The following CLTC variants were observed in gnomAD, a reference collection of about 807,000 sequenced individuals.
CLTC encodes the protein clathrin heavy chain 1.
CLTC carries 16 observed loss-of-function variants against 195.8 expected under a neutral mutation model. The observed-to-expected ratio is 0.08, with a 90% CI of 0.06 to 0.12. The LOEUF is 0.12. CLTC is among the 10% of genes least tolerant of loss of function. CLTC has a pLI of 1.00. For synonymous variants in CLTC, 667 were observed against 689.4 expected, an observed-to-expected ratio of 0.97 and a Z score of 0.51; for missense variants, 796 against 2,027.0, an observed-to-expected ratio of 0.39 and a Z score of 11.66.
chr17:59,691,837 A>G (rs7212825), intron 31 of CLTC, among the ~76,000 whole-genome samples: 27,954 of 151,540 alleles, frequency 0.18, 3,481 homozygotes, highest in East Asian at 0.46. Flanking sequence ...GAGATAGGAA[A>G]CACATCAAGT....
At chr17:59,623,080 A>C (rs1189519620) in intron 1 of CLTC, among the ~76,000 whole-genome samples, 1 of 152,152 alleles carries the variant, frequency 6.6e-6, no homozygotes, top group African/African-American at 2.4e-5. Flanking sequence ...GGTGATTTTC[A>C]ATTTTCTGGC....
Position 59,661,213 on chromosome 17 carries a change from T to C in CLTC, c.1168-230T>C, listed in dbSNP as rs190545749. Among the ~76,000 whole-genome samples, 14 of 152,202 alleles carry C rather than the reference T, an allele frequency of 9.2e-5. No individual in the cohort carries two copies. In the East Asian group the frequency reaches 2.5e-3, roughly 27 times the overall value. On this transcript the variant is annotated intron_variant, in intron 7 of 31. Coordinates refer to ENST00000269122, the MANE Select transcript of CLTC (RefSeq NM_004859.4). Reference sequence around the variant, plus strand: ...TTTTTCCAAATTCTGGATAATCTTATAACATTGAACCAGGGGTATGAAAGA... The same window carrying C: ...TTTTTCCAAATTCTGGATAATCTTACAACATTGAACCAGGGGTATGAAAGA...
intron 1 of CLTC, among the ~76,000 whole-genome samples, chr17:59,621,766 G>T (rs941680479): frequency 1.2e-4 from 18 of 151,582 alleles, no homozygotes; most frequent in Admixed American, 3.3e-4. Flanking sequence ...ATTTTTTTTT[G>T]ATCAATCCAA....
In CLTC at chr17:59,683,071, T is replaced by TA. The variant is rs555162850; in HGVS notation, c.3874-22dup. On this transcript the variant is annotated intron_variant, in intron 24 of 31. Coordinates refer to ENST00000269122, the MANE Select transcript of CLTC (RefSeq NM_004859.4). This position sits in a 1 kb window ranked among gnomAD's most constrained non-coding sequence, Gnocchi z 6.1. ...CTTTTACCATAGATATTCTTATCTTTAACTGCACATTTCTCTTGTTCAGGA... is the reference window on the plus strand; with the variant it reads ...CTTTTACCATAGATATTCTTATCTTTAAACTGCACATTTCTCTTGTTCAGGA... 7.1e-5 allele frequency: 114 copies of TA among 1,614,020 alleles called. 1 individual carries two copies. In the African/African-American group the frequency reaches 1.4e-3, roughly 20 times the overall value.
rs71370111 is a variant in CLTC at position 59,696,525 on chromosome 17, T to TATTAAAGAA, written c.*2674_*2675insTTAAAGAAA. 1.4e-5 allele frequency: 3 copies of TATTAAAGAA among 211,948 alleles called. No individual in the cohort carries two copies. Among genetic ancestry groups the TATTAAAGAA allele is most frequent in the African/African-American group, 4.5e-5 (2 of 43,966 alleles). The allele number at this position is 211,948 out of a possible 1,614,324, so 13.1% of individuals were successfully genotyped here. ...GTCAGTATCCTCCTAAAAGAAGGCT[T>TATTAAAGAA]AAATAGTTTCTAACAAGATGACTAT... On this transcript the variant is annotated 3_prime_UTR_variant, in exon 32 of 32. Transcript: ENST00000269122.
Position 59,681,232 on chromosome 17 carries a change from G to C in CLTC, c.3066-63G>C, listed in dbSNP as rs79030105. On this transcript the variant is annotated intron_variant, in intron 19 of 31. Coordinates refer to ENST00000269122, the MANE Select transcript of CLTC (RefSeq NM_004859.4). This position sits in a 1 kb window ranked among gnomAD's most constrained non-coding sequence, Gnocchi z 5.0. ...AAAAACCTCTCCGTTAGTCACAGTG[G>C]TTATTTTTTATGTCGGATAAACTTA... 1 of 1,531,066 alleles carries C rather than the reference G, an allele frequency of 6.5e-7. No homozygotes were observed. The highest frequency in any genetic ancestry group is 1.4e-5 in the African/African-American group (1 of 72,146). 94.8% of individuals were successfully genotyped at this position (1,531,066 alleles called of 1,614,324 possible). A position where few individuals can be genotyped will look rare whatever the true frequency, so the allele number is the denominator to read the frequency against.
At chr17:59,691,456 C>G (rs191029854) in intron 31 of CLTC, among the ~76,000 whole-genome samples, 1 of 151,742 alleles carries the variant, frequency 6.6e-6, no homozygotes, top group African/African-American at 2.4e-5. Flanking sequence ...ATCGCCGTGT[C>G]TACTAAAAAT....
rs529899818 is a variant in CLTC, at chr17:59,638,442, A to G, written c.43-5834A>G. ...CTCTGAGATAGATACTGTCATCTCAAATGTTTCATATGAGAAAACATAAAC... is the reference window on the plus strand; with the variant it reads ...CTCTGAGATAGATACTGTCATCTCAGATGTTTCATATGAGAAAACATAAAC... On this transcript the variant is annotated intron_variant, in intron 1 of 31. Coordinates refer to ENST00000269122, the MANE Select transcript of CLTC (RefSeq NM_004859.4). 3.3e-5 allele frequency among the ~76,000 whole-genome samples: 5 copies of G among 152,196 alleles called. No homozygotes were observed. In the South Asian group the frequency reaches 6.2e-4, roughly 19 times the overall value.
In CLTC at chr17:59,696,014, A is replaced by C. The variant is rs1232850734; in HGVS notation, c.*2162A>C. The C allele has an allele frequency of 1.4e-5, 3 of 206,936 alleles. No individual in the cohort carries two copies. Among genetic ancestry groups the C allele is most frequent in the African/African-American group, 2.3e-5 (1 of 43,860 alleles). 12.8% of individuals were successfully genotyped at this position (206,936 alleles called of 1,614,324 possible). A position where few individuals can be genotyped will look rare whatever the true frequency, so the allele number is the denominator to read the frequency against. ...ATTTTCATAGTATTCCTTTTAGTAGATATGCCATGACAGTTACTTAGCCAC... is the reference window on the plus strand; with the variant it reads ...ATTTTCATAGTATTCCTTTTAGTAGCTATGCCATGACAGTTACTTAGCCAC... On this transcript the variant is annotated 3_prime_UTR_variant, in exon 32 of 32. Coordinates refer to ENST00000269122, the MANE Select transcript of CLTC (RefSeq NM_004859.4).
In CLTC at chr17:59,660,394, C is replaced by A; in HGVS notation, c.973C>A (p.Leu325Met). The A allele has an allele frequency of 1.2e-6, 2 of 1,613,108 alleles. No homozygotes were observed. Among genetic ancestry groups the A allele is most frequent in the South Asian group, 2.2e-5 (2 of 91,030 alleles). Residue 325 changes from leucine to methionine, a missense_variant, in exon 7 of 32, where the codon CTG (leucine) becomes ATG (methionine). Physicochemically the swap from Leu to Met is conservative, Grantham distance 15. This residue lies in a region of CLTC where 293 missense variants were observed against 795.6 expected (regional missense o/e 0.37). Transcript: ENST00000269122. The part of the protein sequence containing the change: ...IIGVNRKGQV[L>M]SVCVEEENII... Reference sequence around the variant, plus strand: ...CATTTTATTCTTTAAATTGCAGGTTCTGTCAGTGTGTGTGGAAGAAGAAAA... The same window carrying A: ...CATTTTATTCTTTAAATTGCAGGTTATGTCAGTGTGTGTGGAAGAAGAAAA...
intron 6 of CLTC, 87 bp from the exon 7 acceptor site, chr17:59,660,304 C>G: frequency 1.8e-6 from 2 of 1,107,870 alleles, no homozygotes; most frequent in Non-Finnish European, 2.7e-6. Context: ...ACCTTTGTGA[C>G]TCAGTATTAA....
intron 31 of CLTC, 25 bp from the exon 32 acceptor site, chr17:59,693,696 CCCCTGCT>C: frequency 6.3e-7 from 1 of 1,599,226 alleles, no homozygotes; most frequent in East Asian, 2.3e-5. Flanking sequence ...TTGCCCCTGC[CCCCTGCT>C]CCTTTTTGTT....
intron 17 of CLTC, among the ~76,000 whole-genome samples, chr17:59,678,387 A>G (rs959416259): frequency 5.3e-5 from 8 of 152,138 alleles, no homozygotes; most frequent in Non-Finnish European, 7.3e-5. Context: ...TCTTGCTTAA[A>G]CCATTCTTAA....
chr17:59,643,380 G>A (rs549305219), intron 1 of CLTC, among the ~76,000 whole-genome samples: 228 of 152,036 alleles, frequency 1.5e-3, no homozygotes, highest in African/African-American at 4.8e-3. Context: ...ATACTTAATT[G>A]GTTTGCAAAG....
intron 8 of CLTC, among the ~76,000 whole-genome samples, chr17:59,662,759 T>C (rs1016911124): frequency 1.6e-4 from 25 of 152,130 alleles, no homozygotes; most frequent in African/African-American, 2.9e-4. Context: ...TAGCGAGTAT[T>C]TGAGGTCCAT....
chr17:59,657,707 TCTATGAG>T (rs916406597), intron 6 of CLTC, among the ~76,000 whole-genome samples: 2 of 149,142 alleles, frequency 1.3e-5, no homozygotes, highest in Non-Finnish European at 3.0e-5. Context: ...GGCGGAGGTT[TCTATGAG>T]CTGAGATCGC....
intron 9 of CLTC, among the ~76,000 whole-genome samples, chr17:59,664,244 T>C (rs1420307286): frequency 5.9e-5 from 9 of 152,204 alleles, no homozygotes; most frequent in Non-Finnish European, 2.9e-5. Flanking sequence ...TTTTGAAATA[T>C]TCATTTATTG....
Position 59,644,501 on chromosome 17 carries a change from T to G in CLTC, c.250+18T>G. Reference sequence around the variant, plus strand: ...ACTGAAAGGTATAAAAGAATGTGGGTTTTCCTTAAAACTCTTCCTATGTTT... The same window carrying G: ...ACTGAAAGGTATAAAAGAATGTGGGGTTTCCTTAAAACTCTTCCTATGTTT... On this transcript the variant is annotated intron_variant, in intron 2 of 31. Coordinates refer to ENST00000269122, the MANE Select transcript of CLTC (RefSeq NM_004859.4). The G allele has an allele frequency of 6.3e-7, 1 of 1,597,016 alleles. No homozygotes were observed. The highest frequency in any genetic ancestry group is 8.6e-7 in the Non-Finnish European group (1 of 1,166,584).
In CLTC at chr17:59,677,089, C is replaced by T. The variant is rs1407674204; in HGVS notation, c.2697C>T (p.Tyr899=). Residue 899 remains tyrosine, a synonymous_variant, in exon 17 of 32, where the codon TAC becomes TAT. Transcript: ENST00000269122. ...AGAGATTTCTTCGTGAAAATCCCTA[C>T]TATGACAGTCGCGTTGTTGGAAAGT... is the stretch of plus-strand genomic sequence containing the variant. The part of the protein sequence containing the change: ...NPERFLRENP[Y]YDSRVVGKYC... 2 of 1,613,972 alleles carry T rather than the reference C, an allele frequency of 1.2e-6. No homozygotes were observed. Among genetic ancestry groups the T allele is most frequent in the African/African-American group, 1.3e-5 (1 of 74,882 alleles).
Sources: gnomAD v4.1 joint callset for allele counts (sites outside exome capture counted in the v4.1 genomes callset) on GRCh38, gnomAD v4.1.1 for gene constraint, gnomAD v4.1.1 regional missense constraint, Gnocchi (gnomAD v3.1) non-coding constraint, MANE v1.5 for transcripts, NCBI Gene and HGNC (gene_info 2026-07-23, HGNC 2026-07-21) for gene names.